Variants in TDRD12 observed in about 807,000 individuals in gnomAD.
TDRD12 encodes the protein tudor domain containing 12.
Under a neutral mutation model 133.5 loss-of-function variants are expected in TDRD12, and 158 were observed. That is an observed-to-expected ratio of 1.18 (90% CI 1.04 to 1.35). The LOEUF (loss-of-function observed/expected upper bound fraction) is 1.35, where lower values mean the gene tolerates loss of function less well. Among genes scored for constraint, TDRD12 ranks in the 40% most tolerant of loss-of-function variants. TDRD12 has a pLI of 0.00. For synonymous variants in TDRD12, 460 were observed against 477.9 expected (o/e 0.96, Z 0.49); for missense variants, 1,443 against 1,321.3 (o/e 1.09, Z -1.43).
chr19:32,800,270 T>G, exon 17 of TDRD12: 1 of 1,535,228 alleles, frequency 6.5e-7, no homozygotes, highest in Non-Finnish European at 8.7e-7. Flanking sequence ...AACAAACATA[T>G]AGAACATCTC....
chr19:32,748,463 T>G lies in TDRD12; in HGVS notation c.441-13T>G. 1.9e-6 allele frequency: 3 copies of G among 1,550,606 alleles called. No individual in the cohort carries two copies. The highest frequency in any genetic ancestry group is 2.6e-6 in the Non-Finnish European group (3 of 1,146,462). ...TTTTTATGTAATGGAGTTGCATCTG[T>G]TCACTGTTCCAGACCTGCCAAGAAG... On this transcript the variant is annotated splice_polypyrimidine_tract_variant and intron_variant, in intron 4 of 27. Coordinates refer to ENST00000444215, the Ensembl canonical transcript of TDRD12.
downstream of TDRD12, among the ~76,000 whole-genome samples, chr19:32,823,639 CT>C (rs1967483570): frequency 6.6e-6 from 1 of 152,126 alleles, no homozygotes; most frequent in Non-Finnish European, 1.5e-5. Context: ...AAGTTTGCCC[CT>C]GGATTTGGCC....
At chr19:32,815,363 C>T in intron 25 of TDRD12, 85 bp from the exon 26 acceptor site, 1 of 1,174,784 alleles carries the variant, frequency 8.5e-7, no homozygotes, top group Non-Finnish European at 1.2e-6. Flanking sequence ...GCTGAATGAA[C>T]CAGAGAGGCC....
intron 4 of TDRD12, among the ~76,000 whole-genome samples, chr19:32,744,499 C>CAAAAAAAAAAAAAAAAAAAA (rs10644749): frequency 2.6e-5 from 1 of 38,086 alleles, no homozygotes; most frequent in Non-Finnish European, 4.6e-5. Flanking sequence ...GACTCCGTCT[C>CAAAAAAAAAAAAAAAAAAAA]AAAAAAAAAA....
At chr19:32,733,858 T>C (rs2145442646) in intron 2 of TDRD12, among the ~76,000 whole-genome samples, 1 of 151,822 alleles carries the variant, frequency 6.6e-6, no homozygotes, top group East Asian at 1.9e-4. Flanking sequence ...CACTGTTCCT[T>C]TTTTAAATTT....
chr19:32,736,879 G>A (rs1346667761), intron 2 of TDRD12, among the ~76,000 whole-genome samples: 1 of 152,114 alleles, frequency 6.6e-6, no homozygotes, highest in Non-Finnish European at 1.5e-5. Context: ...GGGGCTGCAG[G>A]CATTTACAGA....
At chr19:32,813,886 A>C (rs1158969521) in intron 25 of TDRD12, 110 bp downstream of exon 25, 4 of 663,160 alleles carry the variant, frequency 6.0e-6, no homozygotes, top group Non-Finnish European at 1.0e-5. Context: ...ACGGTGACTT[A>C]TTTGGGGATT....
At position 32,811,403 on chromosome 19, in the gene TDRD12, A is replaced by G. The variant is rs944895159; in HGVS notation, c.3031A>G (p.Ile1011Val). Reference sequence around the variant, plus strand: ...TAGGGTGAAACCTGCTGACAACGAAATAGAATGGAATCCGAAGGTGGGTGA... The same window carrying G: ...TAGGGTGAAACCTGCTGACAACGAAGTAGAATGGAATCCGAAGGTGGGTGA... The change falls in exon 24 of 28, where the codon ATA becomes GTA. Residue 1011 changes from isoleucine to valine, a missense_variant. Physicochemically the swap from Ile to Val is conservative, Grantham distance 29. Transcript: ENST00000444215. 8 of 1,536,022 alleles carry G rather than the reference A, an allele frequency of 5.2e-6. No individual in the cohort carries two copies. The African/African-American group carries it at 8.2e-5, about 16-fold the overall frequency.
chr19:32,810,354 C>T (rs1966960243), intron 23 of TDRD12, 77 bp downstream of exon 23: 3 of 1,240,604 alleles, frequency 2.4e-6, no homozygotes, highest in Non-Finnish European at 3.3e-6. Context: ...CGATTTTGAC[C>T]TCTGTCCATT....
At chr19:32,800,060 C>T (rs1318887956) in intron 16 of TDRD12, 107 bp from the exon 17 acceptor site, 13 of 714,374 alleles carry the variant, frequency 1.8e-5, no homozygotes, top group Middle Eastern at 3.9e-4. Context: ...GAAAGACTTT[C>T]TCCACTCTGA....
chr19:32,756,196 A>G lies in TDRD12; in HGVS notation c.772+15A>G, dbSNP rs1282225779. 2 of 1,398,310 alleles carry G rather than the reference A, an allele frequency of 1.4e-6. No individual in the cohort carries two copies. Among genetic ancestry groups the G allele is most frequent in the South Asian group, 3.5e-5 (2 of 57,118 alleles). 86.6% of individuals were successfully genotyped at this position (1,398,310 alleles called of 1,614,324 possible). ...AGGAATGGAAGGTGAGTAGATTCTC[A>G]TCATATCAATTTCCCTTACATTGTT... is the stretch of plus-strand genomic sequence containing the variant. On this transcript the variant is annotated intron_variant, in intron 7 of 27. Transcript: ENST00000444215.
chr19:32,807,462 T>C, intron 21 of TDRD12, 87 bp from the exon 22 acceptor site: 1 of 853,542 alleles, frequency 1.2e-6, no homozygotes, highest in Non-Finnish European at 1.7e-6. Context: ...CTGATTTAGG[T>C]TGCAGATTAA....
chr19:32,798,643 C>G (rs1971298919), intron 16 of TDRD12, among the ~76,000 whole-genome samples: 1 of 152,174 alleles, frequency 6.6e-6, no homozygotes, highest in African/African-American at 2.4e-5. Context: ...TGCAAACATT[C>G]TTTCCTAGAG....
chr19:32,744,562 C>T (rs889758164), intron 4 of TDRD12, among the ~76,000 whole-genome samples: 7 of 144,668 alleles, frequency 4.8e-5, no homozygotes, highest in Non-Finnish European at 9.0e-5. Flanking sequence ...AATACACAGA[C>T]GTAGAGGCAT....
At chr19:32,763,686 G>A (rs1970214040) in intron 8 of TDRD12, among the ~76,000 whole-genome samples, 2 of 152,220 alleles carry the variant, frequency 1.3e-5, no homozygotes, top group East Asian at 3.8e-4. Context: ...CCAGGAGGCA[G>A]AACTCACAGA....
At chr19:32,758,673 A>G (rs1970064217) in intron 8 of TDRD12, among the ~76,000 whole-genome samples, 2 of 152,124 alleles carry the variant, frequency 1.3e-5, no homozygotes. Flanking sequence ...AGTGGCTCAC[A>G]CCTGTAATCC....
chr19:32,777,898 C>T (rs1213195243), intron 11 of TDRD12, among the ~76,000 whole-genome samples: 3 of 91,400 alleles, frequency 3.3e-5, no homozygotes, highest in Admixed American at 1.6e-4. Context: ...TTTTGTAGGA[C>T]GAGGGTCTCG....
chr19:32,736,761 CTGTG>C (rs1969238034), intron 2 of TDRD12, among the ~76,000 whole-genome samples: 1 of 152,196 alleles, frequency 6.6e-6, no homozygotes, highest in South Asian at 2.1e-4. Flanking sequence ...CTTTATAAAC[CTGTG>C]GTTAGCATAC....
intron 13 of TDRD12, among the ~76,000 whole-genome samples, chr19:32,791,810 T>G (rs6510294): frequency 0.59 from 89,331 of 151,746 alleles, 27,160 homozygotes; most frequent in East Asian, 0.83. Flanking sequence ...CCTGCTTGCC[T>G]CCCTGCCTTT....
Sources: gnomAD v4.1 joint callset for allele counts (sites outside exome capture counted in the v4.1 genomes callset) on GRCh38, gnomAD v4.1.1 for gene constraint, MANE v1.5 for transcripts, NCBI Gene and HGNC (gene_info 2026-07-23, HGNC 2026-07-21) for gene names.